Variants in CTNNA1 observed in about 807,000 individuals in gnomAD.
CTNNA1 encodes the protein catenin alpha-1.
A neutral mutation model predicts 98.4 loss-of-function variants in CTNNA1; 37 were observed. The ratio of observed to expected loss-of-function variants is 0.38; its 90% confidence interval spans 0.29 to 0.49. CTNNA1 has a LOEUF of 0.49. Among genes scored for constraint, CTNNA1 ranks in the 20% least tolerant of loss-of-function variants. The pLI, the probability that CTNNA1 is intolerant of heterozygous loss-of-function variation, is 0.95. For synonymous variants in CTNNA1, 404 were observed against 413.2 expected (o/e 0.98, Z 0.27); for missense variants, 761 against 1,147.2 (o/e 0.66, Z 4.86).
chr5:138,811,136 C>T (rs1212110314), intron 4 of CTNNA1, among the ~76,000 whole-genome samples: 4 of 151,584 alleles, frequency 2.6e-5, no homozygotes, highest in East Asian at 3.9e-4. Flanking sequence ...GGCTGCCGGG[C>T]GGAGGGGCTC....
At chr5:138,826,043 G>A (rs1016641964) in intron 6 of CTNNA1, among the ~76,000 whole-genome samples, 22 of 152,092 alleles carry the variant, frequency 1.4e-4, no homozygotes, top group Non-Finnish European at 2.8e-4. Flanking sequence ...GGCTCATTGA[G>A]GCTCTGTTAC....
At chr5:138,774,694 T>C (rs533856968) in intron 1 of CTNNA1, among the ~76,000 whole-genome samples, 1 of 152,046 alleles carries the variant, frequency 6.6e-6, no homozygotes, top group East Asian at 1.9e-4. Context: ...CGATCTCGGC[T>C]CACTGCAAGC....
chr5:138,928,353 G>A (rs1470712447), intron 13 of CTNNA1, among the ~76,000 whole-genome samples: 1 of 152,030 alleles, frequency 6.6e-6, no homozygotes, highest in South Asian at 2.1e-4. Context: ...AGTCCCTTGG[G>A]TATTTACTCA....
chr5:138,899,870 G>A (rs1757653893), intron 9 of CTNNA1, among the ~76,000 whole-genome samples: 1 of 152,184 alleles, frequency 6.6e-6, no homozygotes, highest in Non-Finnish European at 1.5e-5. Context: ...CATTTTAAGT[G>A]TACAATTCAG....
At chr5:138,852,819 CT>C (rs916903542) in intron 7 of CTNNA1, among the ~76,000 whole-genome samples, 5 of 111,740 alleles carry the variant, frequency 4.5e-5, no homozygotes, top group African/African-American at 1.6e-4. Context: ...TAACTGTATA[CT>C]TTCCTTTGCC....
At chr5:138,829,475 C>T (rs542355727) in intron 7 of CTNNA1, among the ~76,000 whole-genome samples, 2 of 152,220 alleles carry the variant, frequency 1.3e-5, no homozygotes, top group Admixed American at 6.5e-5. Flanking sequence ...AAATCTGTTC[C>T]GATTGCTCCG....
chr5:138,875,022 T>C, intron 7 of CTNNA1: 1 of 1,068,746 alleles, frequency 9.4e-7, no homozygotes, highest in Non-Finnish European at 1.4e-6. Flanking sequence ...CTGTTTTCTG[T>C]GTCCCAGGCT....
intron 2 of CTNNA1, chr5:138,782,435 G>A (rs1291139529): frequency 5.3e-6 from 2 of 376,402 alleles, no homozygotes; most frequent in Non-Finnish European, 1.1e-5. Context: ...GGTTTGGTAT[G>A]CTACAAATGT....
At chr5:138,887,376 G>T (rs1277685038) in intron 8 of CTNNA1, 114 bp from the exon 9 acceptor site, 2 of 703,638 alleles carry the variant, frequency 2.8e-6, no homozygotes, top group Non-Finnish European at 4.6e-6. Context: ...TCATGTAAGT[G>T]CAGCAAGTCT....
intron 1 of CTNNA1, chr5:138,753,971 C>T (rs1009500096): frequency 6.6e-6 from 1 of 152,288 alleles, no homozygotes. Context: ...GATTGTCGTC[C>T]GGCTCCGAGG....
chr5:138,905,442 C>T (rs1759035247), intron 10 of CTNNA1, among the ~76,000 whole-genome samples: 1 of 152,192 alleles, frequency 6.6e-6, no homozygotes, highest in Non-Finnish European at 1.5e-5. Context: ...ACACTATTCA[C>T]CTATATTCAT....
At chr5:138,762,372 A>C (rs766602943) in intron 1 of CTNNA1, among the ~76,000 whole-genome samples, 1 of 152,224 alleles carries the variant, frequency 6.6e-6, no homozygotes, top group African/African-American at 2.4e-5. Flanking sequence ...TGAGAGCACT[A>C]TACTGAATTA....
At chr5:138,929,059 G>C (rs1229277134) in intron 13 of CTNNA1, among the ~76,000 whole-genome samples, 187 bp from the exon 14 acceptor site, 1 of 152,248 alleles carries the variant, frequency 6.6e-6, no homozygotes, top group Non-Finnish European at 1.5e-5. Flanking sequence ...CCCAGCGTGT[G>C]CACCAGTGAA....
At chr5:138,923,704 C>T (rs947595960) in intron 11 of CTNNA1, among the ~76,000 whole-genome samples, 1 of 152,296 alleles carries the variant, frequency 6.6e-6, no homozygotes, top group South Asian at 2.1e-4. Context: ...ATTTATCCAC[C>T]CTTCTCTTGG....
intron 1 of CTNNA1, chr5:138,761,878 C>T (rs962770322): frequency 1.3e-5 from 2 of 152,222 alleles, no homozygotes; most frequent in African/African-American, 4.8e-5. Flanking sequence ...ACCGCAGCCT[C>T]CTATGGAGCT....
intron 3 of CTNNA1, among the ~76,000 whole-genome samples, chr5:138,799,702 T>C (rs1757350458): frequency 6.6e-6 from 1 of 152,042 alleles, no homozygotes; most frequent in Non-Finnish European, 1.5e-5. Flanking sequence ...TTTATATACT[T>C]GTTTATAGTT....
At chr5:138,780,167 A>G (rs1754897620) in intron 1 of CTNNA1, among the ~76,000 whole-genome samples, 2 of 151,880 alleles carry the variant, frequency 1.3e-5, no homozygotes, top group South Asian at 4.1e-4. Context: ...TGTACTTTTT[A>G]AAGATTTTAT....
intron 3 of CTNNA1, among the ~76,000 whole-genome samples, chr5:138,795,436 C>T (rs552206896): frequency 7.9e-5 from 12 of 151,024 alleles, no homozygotes; most frequent in African/African-American, 2.7e-4. Flanking sequence ...CCAGCCTGGG[C>T]GACAGCGAGA....
intron 10 of CTNNA1, among the ~76,000 whole-genome samples, chr5:138,910,226 CTTTTTTTTTTTT>C (rs70982740): frequency 4.7e-4 from 25 of 53,274 alleles, no homozygotes; most frequent in South Asian, 4.3e-3. Context: ...TCCTACTTTT[CTTTTTTTTTTTT>C]TTTTTTTTTT....
Sources: allele counts gnomAD v4.1 joint callset (sites outside exome capture counted in the v4.1 genomes callset), GRCh38; gene constraint gnomAD v4.1.1; transcripts MANE v1.5; gene names NCBI Gene and HGNC (gene_info 2026-07-23, HGNC 2026-07-21).